PDE3A: variants seen among roughly 807,000 people sequenced by gnomAD.
The protein encoded by PDE3A is phosphodiesterase 3A.
A neutral mutation model predicts 98.3 loss-of-function variants in PDE3A; 43 were observed. The observed-to-expected ratio is 0.44, with a 90% CI of 0.34 to 0.56. The LOEUF is 0.56. Among genes scored for constraint, PDE3A ranks in the 20% least tolerant of loss-of-function variants. The pLI is 0.01. For synonymous variants in PDE3A, 663 were observed against 567.9 expected, an observed-to-expected ratio of 1.17 and a Z score of -2.38; for missense variants, 1,427 against 1,440.7, an observed-to-expected ratio of 0.99 and a Z score of 0.15.
intron 5 of PDE3A, among the ~76,000 whole-genome samples, chr12:20,627,750 G>A (rs538974933): frequency 1.3e-5 from 2 of 152,100 alleles, no homozygotes; most frequent in Middle Eastern, 3.2e-3. Flanking sequence ...AGCTCCATTA[G>A]AGCAGGGTTT....
rs559786074 is a variant in PDE3A at position 20,511,632 on chromosome 12, T to C, written c.961-45028T>C. ...AGATGGGCTAAATAGCTGTCTCTTA[T>C]GTAATAAAATTCCAAATAGCTTATG... On this transcript the variant is annotated intron_variant, in intron 1 of 15. Transcript: ENST00000359062. 3.3e-5 allele frequency among the ~76,000 whole-genome samples: 5 copies of C among 152,276 alleles called. No individual in the cohort carries two copies. The East Asian group carries it at 7.7e-4, about 23-fold the overall frequency.
chr12:20,621,441 A>G (rs1397576238), intron 5 of PDE3A, 30 bp downstream of exon 5: 2 of 1,151,450 alleles, frequency 1.7e-6, no homozygotes, highest in Non-Finnish European at 2.6e-6. Flanking sequence ...AAGGGTTCAT[A>G]CTGTGAGTGT....
intron 1 of PDE3A, among the ~76,000 whole-genome samples, chr12:20,529,573 A>G (rs992505766): frequency 5.9e-5 from 9 of 152,086 alleles, no homozygotes; most frequent in African/African-American, 2.2e-4. Context: ...ACACCCCTGG[A>G]GGGCAGATGG....
intron 2 of PDE3A, among the ~76,000 whole-genome samples, chr12:20,604,061 C>T (rs943812494): frequency 4.0e-5 from 6 of 151,820 alleles, no homozygotes; most frequent in East Asian, 1.9e-4. Flanking sequence ...CCTAGCTATT[C>T]GGGAGGCTGA....
chr12:20,419,440 G>A (rs2120746932), intron 1 of PDE3A, among the ~76,000 whole-genome samples: 1 of 151,750 alleles, frequency 6.6e-6, no homozygotes. Context: ...CTACAGGTGT[G>A]CACCACCATG....
intron 1 of PDE3A, among the ~76,000 whole-genome samples, chr12:20,384,885 T>C (rs1192920769): frequency 6.6e-6 from 1 of 152,162 alleles, no homozygotes; most frequent in East Asian, 1.9e-4. Flanking sequence ...GGCTGCATAG[T>C]ATTCCATGGT....
chr12:20,405,674 T>A (rs1591895686), intron 1 of PDE3A, among the ~76,000 whole-genome samples: 2 of 152,310 alleles, frequency 1.3e-5, no homozygotes, highest in South Asian at 4.1e-4. Context: ...CATTGTGAAA[T>A]AATGACCACA....
chr12:20,531,752 C>T (rs1004302668), intron 1 of PDE3A, among the ~76,000 whole-genome samples: 3 of 152,064 alleles, frequency 2.0e-5, no homozygotes, highest in Non-Finnish European at 2.9e-5. Context: ...CAAGACATTG[C>T]GCTATTATTA....
intron 1 of PDE3A, among the ~76,000 whole-genome samples, chr12:20,490,651 G>T (rs1242139327): frequency 6.6e-6 from 1 of 152,144 alleles, no homozygotes; most frequent in Non-Finnish European, 1.5e-5. Context: ...TTGAACATCA[G>T]CAATGTCCCA....
intron 1 of PDE3A, among the ~76,000 whole-genome samples, chr12:20,493,637 CT>C (rs61072933): frequency 0.016 from 2,404 of 148,912 alleles, 69 homozygotes; most frequent in African/African-American, 0.055. Flanking sequence ...AACTACTTTT[CT>C]TTTTTTTTTG....
chr12:20,457,437 T>G (rs1307212293), intron 1 of PDE3A, among the ~76,000 whole-genome samples: 1 of 151,894 alleles, frequency 6.6e-6, no homozygotes, highest in Non-Finnish European at 1.5e-5. Context: ...ATAAAATTTA[T>G]ACATATACAT....
intron 13 of PDE3A, among the ~76,000 whole-genome samples, 181 bp downstream of exon 13, chr12:20,649,072 C>T (rs1280928720): frequency 1.3e-5 from 2 of 150,542 alleles, no homozygotes; most frequent in Non-Finnish European, 3.0e-5. Flanking sequence ...ATTACAGGCT[C>T]ATGCCACCAC....
chr12:20,559,830 A>C (rs1009500439), intron 2 of PDE3A, among the ~76,000 whole-genome samples: 4 of 152,200 alleles, frequency 2.6e-5, no homozygotes, highest in Non-Finnish European at 5.9e-5. Flanking sequence ...GAAAAGGTGG[A>C]TGAAAAAGCT....
chr12:20,373,161 A>C (rs901706218), intron 1 of PDE3A, among the ~76,000 whole-genome samples: 3 of 152,080 alleles, frequency 2.0e-5, no homozygotes, highest in Non-Finnish European at 2.9e-5. Context: ...AAGAACTATA[A>C]AGTTTGTTTA....
chr12:20,425,564 C>G (rs1944589787), intron 1 of PDE3A, among the ~76,000 whole-genome samples: 1 of 152,166 alleles, frequency 6.6e-6, no homozygotes. Flanking sequence ...TTTCTAAGCA[C>G]TTTACAGATG....
chr12:20,670,361 A>C (rs1035206572), intron 15 of PDE3A, among the ~76,000 whole-genome samples: 135 of 149,606 alleles, frequency 9.0e-4, no homozygotes, highest in African/African-American at 3.3e-3. Context: ...ATAGACATCT[A>C]CAGAACTCTC....
intron 1 of PDE3A, among the ~76,000 whole-genome samples, chr12:20,388,178 T>G (rs560530708): frequency 2.6e-5 from 4 of 152,132 alleles, no homozygotes; most frequent in African/African-American, 9.6e-5. Context: ...CTTTTAGGAA[T>G]GGTAATGTGT....
chr12:20,534,164 A>T (rs551137614), intron 1 of PDE3A, among the ~76,000 whole-genome samples: 28 of 152,272 alleles, frequency 1.8e-4, no homozygotes, highest in Non-Finnish European at 3.2e-4. Context: ...GATATTTATT[A>T]TATTGTAATT....
intron 1 of PDE3A, among the ~76,000 whole-genome samples, chr12:20,435,569 G>T (rs1249699538): frequency 6.6e-6 from 1 of 152,136 alleles, no homozygotes; most frequent in Non-Finnish European, 1.5e-5. Flanking sequence ...TTATGGACAA[G>T]CTCTAGATTT....
Sources: allele counts gnomAD v4.1 joint callset (sites outside exome capture counted in the v4.1 genomes callset), GRCh38; gene constraint gnomAD v4.1.1; transcripts MANE v1.5; gene names NCBI Gene and HGNC (gene_info 2026-07-23, HGNC 2026-07-21).